The following CYSTM1 variants were observed in gnomAD, a reference collection of about 807,000 sequenced individuals.
CYSTM1 encodes cysteine rich transmembrane module containing 1.
CYSTM1 carries 4 observed loss-of-function variants against 13.1 expected under a neutral mutation model. The observed-to-expected ratio is 0.31, with a 90% CI of 0.15 to 0.70. CYSTM1 has a LOEUF of 0.70. Ranked by LOEUF, CYSTM1 falls within the 30% of genes least tolerant of loss-of-function variation. CYSTM1 has a pLI of 0.72. For missense variants in CYSTM1, 96 were observed against 121.6 expected, an observed-to-expected ratio of 0.79 and a Z score of 0.99; for synonymous variants, 36 against 42.7, an observed-to-expected ratio of 0.84 and a Z score of 0.62.
chr5:140,235,588 G>A (rs1334174276), intron 2 of CYSTM1, among the ~76,000 whole-genome samples: 2 of 151,846 alleles, frequency 1.3e-5, no homozygotes, highest in South Asian at 2.1e-4. Flanking sequence ...TGTATTTTCA[G>A]TAGAGACGAG....
At chr5:140,241,958 C>G (rs999185534) in intron 2 of CYSTM1, among the ~76,000 whole-genome samples, 1 of 152,220 alleles carries the variant, frequency 6.6e-6, no homozygotes, top group Admixed American at 6.5e-5. Context: ...GCCTCTGCCT[C>G]GTCACATGTG....
At chr5:140,235,964 A>G (rs1561483539) in intron 2 of CYSTM1, among the ~76,000 whole-genome samples, 1 of 152,198 alleles carries the variant, frequency 6.6e-6, no homozygotes, top group African/African-American at 2.4e-5. Flanking sequence ...GTCAAGATCA[A>G]AGTAAAACTG....
intron 2 of CYSTM1, among the ~76,000 whole-genome samples, chr5:140,199,966 GT>G (rs1031633134): frequency 6.6e-6 from 1 of 152,148 alleles, no homozygotes; most frequent in African/African-American, 2.4e-5. Flanking sequence ...TTTTGATGGG[GT>G]TGTTTTTTTC....
At chr5:140,224,145 GT>G (rs1764521680) in intron 2 of CYSTM1, among the ~76,000 whole-genome samples, 3 of 152,094 alleles carry the variant, frequency 2.0e-5, no homozygotes, top group African/African-American at 2.4e-5. Context: ...TTTTTTGTTT[GT>G]TTGTTTTTTT....
intron 2 of CYSTM1, among the ~76,000 whole-genome samples, chr5:140,206,511 C>T (rs1291794052): frequency 6.6e-6 from 1 of 152,160 alleles, no homozygotes; most frequent in Admixed American, 6.5e-5. Context: ...ACCTTGGGTT[C>T]CTTTTCCTCC....
At chr5:140,211,180 A>G (rs1050173949) in intron 2 of CYSTM1, among the ~76,000 whole-genome samples, 2 of 152,250 alleles carry the variant, frequency 1.3e-5, no homozygotes, top group Non-Finnish European at 2.9e-5. Context: ...GCACTTTTGT[A>G]TATTAGCTCA....
chr5:140,215,276 C>G (rs1764413249), intron 2 of CYSTM1, among the ~76,000 whole-genome samples: 1 of 152,126 alleles, frequency 6.6e-6, no homozygotes, highest in Non-Finnish European at 1.5e-5. Context: ...CTCTAAAAAT[C>G]AGGACATGAC....
At chr5:140,213,012 A>AAT (rs34804832) in intron 2 of CYSTM1, among the ~76,000 whole-genome samples, 1 of 84,694 alleles carries the variant, frequency 1.2e-5, no homozygotes, top group Admixed American at 1.3e-4. Context: ...TATATATATG[A>AAT]GAGAGAGAGA....
At chr5:140,177,952 G>A (rs1213071659) in intron 1 of CYSTM1, among the ~76,000 whole-genome samples, 3 of 152,176 alleles carry the variant, frequency 2.0e-5, no homozygotes, top group Non-Finnish European at 4.4e-5. Flanking sequence ...GGGCAGTTAA[G>A]TAGGCCAAAA....
intron 2 of CYSTM1, among the ~76,000 whole-genome samples, chr5:140,212,803 C>CA (rs1354826824): frequency 1.3e-5 from 2 of 151,276 alleles, no homozygotes; most frequent in Non-Finnish European, 1.5e-5. Flanking sequence ...TCCATCTCTA[C>CA]AAAAAAATAG....
chr5:140,224,141 G>T (rs560540409), intron 2 of CYSTM1, among the ~76,000 whole-genome samples: 324 of 152,196 alleles, frequency 2.1e-3, no homozygotes, highest in African/African-American at 7.3e-3. Context: ...TTATTTTTTT[G>T]TTTGTTTGTT....
chr5:140,241,774 G>A (rs1349707628), intron 2 of CYSTM1, among the ~76,000 whole-genome samples: 1 of 152,174 alleles, frequency 6.6e-6, no homozygotes. Context: ...GGCCTGGGGT[G>A]GCCAGGCTTC....
chr5:140,200,344 G>A (rs1358491379), intron 2 of CYSTM1: 1 of 152,096 alleles, frequency 6.6e-6, no homozygotes, highest in Non-Finnish European at 1.5e-5. Context: ...CACATGGCTA[G>A]CTAGTTTTCC....
At chr5:140,188,210 G>C (rs1764045459) in intron 1 of CYSTM1, among the ~76,000 whole-genome samples, 2 of 151,760 alleles carry the variant, frequency 1.3e-5, no homozygotes, top group South Asian at 4.2e-4. Flanking sequence ...AAGCAGCTAG[G>C]ACTATGTATA....
In CYSTM1 at chr5:140,226,599, TATATATATATATAA is replaced by T. The variant is rs1237526577; in HGVS notation, c.188-16704_188-16691del. 9.6e-4 allele frequency among the ~76,000 whole-genome samples: 103 copies of T among 107,682 alleles called. 6 individuals are homozygous for T. The highest frequency in any genetic ancestry group is 3.3e-3 in the African/African-American group (96 of 28,692). The allele number at this position is 107,682 out of a possible 152,430, so 70.6% of individuals were successfully genotyped here. A position where few individuals can be genotyped will look rare whatever the true frequency, so the allele number is the denominator to read the frequency against. On this transcript the variant is annotated intron_variant, in intron 2 of 2. Coordinates refer to ENST00000261811, the MANE Select transcript of CYSTM1 (RefSeq NM_032412.4). ...ATATACTAAATATTATATATATATA[TATATATATATATAA>T]AAATTAGCCAGATGTGATGGCGCAT...
chr5:140,227,561 A>G (rs911304398), intron 2 of CYSTM1, among the ~76,000 whole-genome samples: 2 of 152,144 alleles, frequency 1.3e-5, no homozygotes, highest in African/African-American at 4.8e-5. Flanking sequence ...AGGTCAGGCT[A>G]TAAGAGGAGC....
At chr5:140,210,165 G>T (rs992576297) in intron 2 of CYSTM1, among the ~76,000 whole-genome samples, 2 of 151,834 alleles carry the variant, frequency 1.3e-5, no homozygotes, top group Non-Finnish European at 2.9e-5. Flanking sequence ...TTGTTTATAC[G>T]CACATGTCAT....
At chr5:140,192,439 G>A (rs891364538) in intron 1 of CYSTM1, among the ~76,000 whole-genome samples, 2 of 152,152 alleles carry the variant, frequency 1.3e-5, no homozygotes, top group African/African-American at 4.8e-5. Context: ...CTGGAAATTC[G>A]ATAGAGGTAG....
At chr5:140,204,708 GCTTCTCAAAGACGTTTTTTT>G (rs955210359) in intron 2 of CYSTM1, among the ~76,000 whole-genome samples, 1 of 152,108 alleles carries the variant, frequency 6.6e-6, no homozygotes, top group African/African-American at 2.4e-5. Context: ...CCCCTTGTAT[GCTTCTCAAAGACGTTTTTTT>G]CTTCTTTCAC....
Sources: allele counts gnomAD v4.1 joint callset (sites outside exome capture counted in the v4.1 genomes callset), GRCh38; gene constraint gnomAD v4.1.1; transcripts MANE v1.5; gene names NCBI Gene and HGNC (gene_info 2026-07-23, HGNC 2026-07-21).